The following SYNDIG1L variants were observed in gnomAD, a reference collection of about 807,000 sequenced individuals.
SYNDIG1L encodes synapse differentiation-inducing gene protein 1-like.
SYNDIG1L carries 13 observed loss-of-function variants against 20.1 expected under a neutral mutation model. That is an observed-to-expected ratio of 0.65 (90% CI 0.42 to 1.03). The LOEUF is 1.03. SYNDIG1L is among the 50% of genes least tolerant of loss of function. The pLI is 0.00. For missense variants in SYNDIG1L, 294 were observed against 305.1 expected (o/e 0.96, Z 0.27); for synonymous variants, 128 against 129.3 (o/e 0.99, Z 0.07).
chr14:74,447,451 G>A, the SYNDIG1L span, among the ~76,000 whole-genome samples: 1 of 152,062 alleles, frequency 6.6e-6, no homozygotes, highest in African/African-American at 2.4e-5. Context: ...GCTGAGAGTG[G>A]TGGCGCACGC....
At chr14:74,431,763 A>G in the SYNDIG1L span, among the ~76,000 whole-genome samples, 1 of 152,138 alleles carries the variant, frequency 6.6e-6, no homozygotes, top group African/African-American at 2.4e-5. Flanking sequence ...TGTACAGAGA[A>G]TCTCTGGACA....
the SYNDIG1L span, among the ~76,000 whole-genome samples, chr14:74,462,438 C>T: frequency 2.6e-5 from 4 of 151,914 alleles, no homozygotes; most frequent in African/African-American, 9.7e-5. Context: ...GAGCTGTGAT[C>T]ACGCCACTGC....
chr14:74,475,557 C>G, the SYNDIG1L span, among the ~76,000 whole-genome samples: 3 of 151,880 alleles, frequency 2.0e-5, no homozygotes, highest in African/African-American at 7.3e-5. Context: ...AGTCCAAGTT[C>G]TAGTGGCATC....
At chr14:74,476,644 G>A in the SYNDIG1L span, 1 of 1,417,378 alleles carries the variant, frequency 7.1e-7, no homozygotes, top group Non-Finnish European at 9.6e-7. Context: ...GAGAGGAGCT[G>A]GCCGGATCCA....
intron 1 of SYNDIG1L, among the ~76,000 whole-genome samples, chr14:74,425,080 C>G (rs151178536): frequency 1.3e-5 from 2 of 152,184 alleles, no homozygotes; most frequent in South Asian, 2.1e-4. Context: ...TCTTCCTCCA[C>G]GCAGTTTTAT....
At chr14:74,468,495 T>TC in the SYNDIG1L span, among the ~76,000 whole-genome samples, 9 of 152,084 alleles carry the variant, frequency 5.9e-5, no homozygotes, top group Middle Eastern at 3.4e-3. Context: ...ACTCCTTTTT[T>TC]CCCTCAACCT....
chr14:74,475,866 T>C, the SYNDIG1L span, among the ~76,000 whole-genome samples: 4 of 152,208 alleles, frequency 2.6e-5, no homozygotes, highest in African/African-American at 7.2e-5. Context: ...CATTTGCCAG[T>C]GGTTCTTCAA....
intron 1 of SYNDIG1L, among the ~76,000 whole-genome samples, chr14:74,418,358 G>C (rs2086194067): frequency 6.6e-6 from 1 of 152,214 alleles, no homozygotes; most frequent in Non-Finnish European, 1.5e-5. Context: ...CTTTGTCTCA[G>C]TTTGCCTTCT....
At chr14:74,479,938 C>G in the SYNDIG1L span, 2 of 1,255,160 alleles carry the variant, frequency 1.6e-6, no homozygotes, top group South Asian at 3.1e-5. Flanking sequence ...CCACAGCCCA[C>G]ATGCAGAAGA....
At chr14:74,434,281 C>T in the SYNDIG1L span, among the ~76,000 whole-genome samples, 2 of 152,050 alleles carry the variant, frequency 1.3e-5, no homozygotes, top group African/African-American at 4.8e-5. Context: ...ATGATTGCTG[C>T]ATTGGGTACC....
At chr14:74,436,958 G>A in the SYNDIG1L span, among the ~76,000 whole-genome samples, 10 of 151,324 alleles carry the variant, frequency 6.6e-5, no homozygotes, top group East Asian at 1.9e-4. Flanking sequence ...GTAATAGCTC[G>A]TATTTTCCCT....
rs755895296 is a variant in SYNDIG1L at position 74,409,461 on chromosome 14, C to T, written c.284G>A (p.Arg95Lys). 3 of 1,613,674 alleles carry T rather than the reference C, an allele frequency of 1.9e-6. No homozygotes were observed. Among genetic ancestry groups the T allele is most frequent in the Non-Finnish European group, 1.7e-6 (2 of 1,179,828 alleles). ...GSCETSFTEDREPQEGPPEQP... is the reference protein window; with the variant it reads ...GSCETSFTEDKEPQEGPPEQP... ...CTCTGGAGGCCCCTCCTGGGGCTCCCTGTCCTCTGTGAAGCTTGTCTCACA... is the reference window on the plus strand; with the variant it reads ...CTCTGGAGGCCCCTCCTGGGGCTCCTTGTCCTCTGTGAAGCTTGTCTCACA... The change falls in exon 2 of 4, where the codon AGG (arginine) becomes AAG (lysine). Residue 95 changes from arginine to lysine, a missense_variant. Physicochemically the swap from Arg to Lys is conservative, Grantham distance 26 (BLOSUM62 2). Coordinates refer to ENST00000331628, the MANE Select transcript of SYNDIG1L (RefSeq NM_001105579.2).
the SYNDIG1L span, among the ~76,000 whole-genome samples, chr14:74,475,288 T>C: frequency 6.6e-6 from 1 of 151,152 alleles, no homozygotes; most frequent in African/African-American, 2.4e-5. Context: ...GCACTTTGCA[T>C]CCCCCATCTC....
chr14:74,449,467 C>T, the SYNDIG1L span, among the ~76,000 whole-genome samples: 1 of 42,672 alleles, frequency 2.3e-5, no homozygotes, highest in African/African-American at 8.9e-5. Context: ...AAAAAAAAAG[C>T]CAGGCAAAAT....
intron 1 of SYNDIG1L, among the ~76,000 whole-genome samples, chr14:74,420,271 C>T (rs1158788192): frequency 6.6e-6 from 1 of 151,548 alleles, no homozygotes; most frequent in Non-Finnish European, 1.5e-5. Context: ...TGGCGTGCAC[C>T]TGTAATCCCA....
chr14:74,428,657 G>C (rs2086283256), upstream of SYNDIG1L, among the ~76,000 whole-genome samples: 1 of 152,182 alleles, frequency 6.6e-6, no homozygotes, highest in African/African-American at 2.4e-5. Flanking sequence ...GAAGGTCTGA[G>C]TTTTATTAAA....
chr14:74,467,019 A>C, the SYNDIG1L span, among the ~76,000 whole-genome samples: 1 of 152,218 alleles, frequency 6.6e-6, no homozygotes, highest in Non-Finnish European at 1.5e-5. Flanking sequence ...TGTTGACTGC[A>C]GAATGTTTCC....
chr14:74,476,660 C>T, the SYNDIG1L span: 4 of 1,205,362 alleles, frequency 3.3e-6, no homozygotes, highest in South Asian at 5.5e-5. Flanking sequence ...ATCCACTCAC[C>T]CACATTGCCC....
chr14:74,475,601 A>T, the SYNDIG1L span, among the ~76,000 whole-genome samples: 4 of 151,952 alleles, frequency 2.6e-5, no homozygotes, highest in South Asian at 8.3e-4. Flanking sequence ...CCAGGCTCTT[A>T]GACTCTGAAG....
Sources: gnomAD v4.1 joint callset for allele counts (sites outside exome capture counted in the v4.1 genomes callset) on GRCh38, gnomAD v4.1.1 for gene constraint, MANE v1.5 for transcripts, NCBI Gene and HGNC (gene_info 2026-07-23, HGNC 2026-07-21) for gene names.